Variants in PTDSS1 observed in about 807,000 individuals in gnomAD.
The protein encoded by PTDSS1 is phosphatidylserine synthase 1, also known as PSS-1.
Under a neutral mutation model 70.5 loss-of-function variants are expected in PTDSS1, and 45 were observed. The observed-to-expected ratio is 0.64, with a 90% confidence interval of 0.50 to 0.82. The LOEUF is 0.82. PTDSS1 is among the 40% of genes least tolerant of loss of function. The pLI is 0.00. For synonymous variants in PTDSS1, 188 were observed against 203.8 expected (o/e 0.92, Z 0.66); for missense variants, 417 against 586.1 (o/e 0.71, Z 2.98).
intron 2 of PTDSS1, among the ~76,000 whole-genome samples, chr8:96,278,019 AC>A (rs1376968068): frequency 6.6e-6 from 1 of 152,044 alleles, no homozygotes; most frequent in African/African-American, 2.4e-5. Flanking sequence ...CAGCTTCTTT[AC>A]CCCTTTCTGT....
At position 96,273,390 on chromosome 8, in the gene PTDSS1, G is replaced by A; in HGVS notation, c.271G>A (p.Gly91Ser). 6.2e-7 allele frequency: 1 copy of A among 1,602,884 alleles called. No individual in the cohort carries two copies. Among genetic ancestry groups the A allele is most frequent in the Non-Finnish European group, 8.5e-7 (1 of 1,173,388 alleles). Residue 91 changes from glycine to serine, a missense_variant and splice_region_variant, in exon 2 of 13, where the codon GGT becomes AGT. Physicochemically the swap from Gly to Ser is moderately conservative, Grantham distance 56 (BLOSUM62 0). Around this residue, in one of 3 missense-constraint regions of PTDSS1, gnomAD observed 272 missense variants for 429.5 expected, o/e 0.63. Transcript: ENST00000517309. ...LIISVLAFPNGPFTRPHPALW... is the reference protein window; with the variant it reads ...LIISVLAFPNSPFTRPHPALW... Reference sequence around the variant, plus strand: ...CATCAGTGTGTTAGCTTTCCCCAATGGTAAGTAATGTCATGCATTACCACA... The same window carrying A: ...CATCAGTGTGTTAGCTTTCCCCAATAGTAAGTAATGTCATGCATTACCACA...
At position 96,333,896 on chromosome 8, in the gene PTDSS1, G is replaced by A. The variant is rs150729296; in HGVS notation, c.*330G>A. 2 of 608,832 alleles carry A rather than the reference G, an allele frequency of 3.3e-6. No homozygotes were observed. Among genetic ancestry groups the A allele is most frequent in the Admixed American group, 2.8e-5 (1 of 35,562 alleles). The allele number at this position is 608,832 out of a possible 1,614,324, so 37.7% of individuals were successfully genotyped here. ...AGAGCAGCTCCGCGCCTGCTGGATC[G>A]TGGATGCAGCGTAAACATCTTCCTT... On this transcript the variant is annotated 3_prime_UTR_variant, in exon 13 of 13. Coordinates refer to ENST00000517309, the MANE Select transcript of PTDSS1 (RefSeq NM_014754.3).
intron 11 of PTDSS1, 184 bp downstream of exon 11, chr8:96,330,465 GA>G (rs1811499488): frequency 1.6e-6 from 1 of 613,332 alleles, no homozygotes; most frequent in African/African-American, 1.9e-5. Context: ...CCCTGCTTGT[GA>G]CGGCTCTGTT....
intron 10 of PTDSS1, among the ~76,000 whole-genome samples, chr8:96,326,938 G>C (rs1811446360): frequency 6.6e-6 from 1 of 152,190 alleles, no homozygotes; most frequent in South Asian, 2.1e-4. Context: ...CATTCCTCTT[G>C]TGGTAGCTGG....
intron 5 of PTDSS1, 136 bp downstream of exon 5, chr8:96,295,392 ATAAGAATATTTAATACT>A: frequency 1.1e-6 from 1 of 949,816 alleles, no homozygotes; most frequent in Non-Finnish European, 1.4e-6. Context: ...AAACCATCCC[ATAAGAATATTTAATACT>A]TCTGTTTAAA....
intron 5 of PTDSS1, among the ~76,000 whole-genome samples, chr8:96,296,667 A>G (rs939228134): frequency 6.6e-6 from 1 of 152,234 alleles, no homozygotes; most frequent in Non-Finnish European, 1.5e-5. Context: ...AACACTTTAC[A>G]TATGCCTTCT....
At chr8:96,292,305 A>AG (rs1554583741) in intron 4 of PTDSS1, among the ~76,000 whole-genome samples, 1 of 151,512 alleles carries the variant, frequency 6.6e-6, no homozygotes, top group Non-Finnish European at 1.5e-5. Context: ...AAAAAAAAAA[A>AG]AAAAAGAAAA....
chr8:96,262,520 C>G lies in PTDSS1; in HGVS notation c.179+301C>G, dbSNP rs1414096829. On this transcript the variant is annotated intron_variant, in intron 1 of 12. Coordinates refer to ENST00000517309, the MANE Select transcript of PTDSS1 (RefSeq NM_014754.3). The surrounding 1 kb of genome is among the most constrained non-coding windows in gnomAD (Gnocchi z 4.4). The stretch of plus-strand genomic sequence containing the variant: ...CTCACCCACCGCACTCAGCATCGCT[C>G]CACACAACATCACGACGCGGGCCCC... Among the ~76,000 whole-genome samples the G allele has an allele frequency of 1.3e-5, 2 of 152,296 alleles. No homozygotes were observed. The highest frequency in any genetic ancestry group is 3.9e-4 in the East Asian group (2 of 5,168).
intron 4 of PTDSS1, among the ~76,000 whole-genome samples, chr8:96,291,874 A>G (rs1450717871): frequency 2.6e-5 from 4 of 152,178 alleles, no homozygotes; most frequent in East Asian, 3.9e-4. Context: ...GGAGGCACAC[A>G]GTGTCTGGTG....
At chr8:96,273,603 T>C (rs1810597847) in intron 2 of PTDSS1, among the ~76,000 whole-genome samples, 1 of 152,194 alleles carries the variant, frequency 6.6e-6, no homozygotes, top group African/African-American at 2.4e-5. Flanking sequence ...TTTCCTTCTA[T>C]AAAATGGAGA....
rs1449057348 is a variant in PTDSS1, at chr8:96,334,690, A to AT, written c.*1128dup. 1 of 152,340 alleles carries AT rather than the reference A, an allele frequency of 6.6e-6. No individual in the cohort carries two copies. Among genetic ancestry groups the AT allele is most frequent in the East Asian group, 1.9e-4 (1 of 5,194 alleles). The allele number at this position is 152,340 out of a possible 1,614,324, so 9.4% of individuals were successfully genotyped here. ...TGAGAAGAAAAAAGAAAAGATGTGT[A>AT]TTTTAAAGGGCTTACAGACATATAT... is the stretch of plus-strand genomic sequence containing the variant. On this transcript the variant is annotated 3_prime_UTR_variant, in exon 13 of 13. Transcript: ENST00000517309.
At chr8:96,300,350 G>T (rs1409804167) in intron 6 of PTDSS1, among the ~76,000 whole-genome samples, 10 of 152,070 alleles carry the variant, frequency 6.6e-5, no homozygotes, top group African/African-American at 2.4e-4. Context: ...CCAGGCAACC[G>T]AGAGTCTGTT....
At chr8:96,311,421 C>G (rs1420939915) in intron 9 of PTDSS1, among the ~76,000 whole-genome samples, 1 of 152,098 alleles carries the variant, frequency 6.6e-6, no homozygotes, top group East Asian at 1.9e-4. Flanking sequence ...AATACATGCA[C>G]AATGATAAAA....
chr8:96,270,703 C>T (rs948637165), intron 1 of PTDSS1, among the ~76,000 whole-genome samples: 7 of 152,174 alleles, frequency 4.6e-5, no homozygotes, highest in Non-Finnish European at 1.0e-4. Context: ...TTCAGTTTAT[C>T]CAAAGACCTC....
chr8:96,307,840 A>G (rs1246734763), intron 8 of PTDSS1, among the ~76,000 whole-genome samples: 2 of 152,242 alleles, frequency 1.3e-5, no homozygotes, highest in African/African-American at 4.8e-5. Flanking sequence ...TTATCATGAA[A>G]TTTCAGTACT....
chr8:96,277,238 T>A (rs1376541813), intron 2 of PTDSS1, among the ~76,000 whole-genome samples: 1 of 152,220 alleles, frequency 6.6e-6, no homozygotes, highest in African/African-American at 2.4e-5. Flanking sequence ...TACCTAAGAG[T>A]AGTAAAACTA....
intron 2 of PTDSS1, among the ~76,000 whole-genome samples, chr8:96,282,419 C>T (rs148419407): frequency 0.014 from 2,200 of 152,270 alleles, 166 homozygotes; most frequent in Admixed American, 0.12. Flanking sequence ...ATAGGTAGTC[C>T]TCACTGTCTG....
chr8:96,295,588 T>G (rs1280711748), intron 5 of PTDSS1, among the ~76,000 whole-genome samples: 1 of 152,188 alleles, frequency 6.6e-6, no homozygotes, highest in Non-Finnish European at 1.5e-5. Flanking sequence ...ATAGATCAGT[T>G]GACCTACTAA....
chr8:96,277,430 T>C (rs977459796), intron 2 of PTDSS1, among the ~76,000 whole-genome samples: 1 of 152,244 alleles, frequency 6.6e-6, no homozygotes, highest in African/African-American at 2.4e-5. Flanking sequence ...GCTGAACGGC[T>C]GTCTCTGTGA....
Sources: allele counts gnomAD v4.1 joint callset (sites outside exome capture counted in the v4.1 genomes callset), GRCh38; gene constraint gnomAD v4.1.1; regional missense constraint gnomAD v4.1.1; non-coding constraint Gnocchi (gnomAD v3.1); transcripts MANE v1.5; gene names NCBI Gene and HGNC (gene_info 2026-07-23, HGNC 2026-07-21).